EYS: variants seen among roughly 807,000 people sequenced by gnomAD.
EYS encodes EGF-like photoreceptor maintenance factor, also known as protein eyes shut homolog.
A neutral mutation model predicts 282.1 loss-of-function variants in EYS; 250 were observed. The ratio of observed to expected loss-of-function variants is 0.89; its 90% CI spans 0.80 to 0.98. The LOEUF is 0.98. EYS is among the 50% of genes least tolerant of loss of function. EYS has a pLI of 0.00. For missense variants in EYS, 4,016 were observed against 3,709.0 expected, an observed-to-expected ratio of 1.08 and a Z score of -2.15; for synonymous variants, 1,355 against 1,282.9, an observed-to-expected ratio of 1.06 and a Z score of -1.20.
intron 31 of EYS, among the ~76,000 whole-genome samples, chr6:64,229,630 A>G (rs1192033108): frequency 6.6e-6 from 1 of 152,160 alleles, no homozygotes; most frequent in Non-Finnish European, 1.5e-5. Flanking sequence ...GCCTTTTACT[A>G]TATTTGCTTG....
intron 14 of EYS, among the ~76,000 whole-genome samples, chr6:64,950,823 ATATATATAT>A (rs1562272747): frequency 1.7e-5 from 2 of 115,712 alleles, no homozygotes; most frequent in East Asian, 2.5e-4. Flanking sequence ...ATATATATAT[ATATATATAT>A]ATTGTTGAAT....
chr6:64,564,582 T>C (rs1051076344), intron 26 of EYS, among the ~76,000 whole-genome samples: 1 of 151,982 alleles, frequency 6.6e-6, no homozygotes, highest in Non-Finnish European at 1.5e-5. Context: ...TGCCCAGCCT[T>C]TTTTAAATCA....
intron 8 of EYS, among the ~76,000 whole-genome samples, chr6:65,375,893 G>A (rs1001737969): frequency 6.6e-6 from 1 of 151,990 alleles, no homozygotes; most frequent in Non-Finnish European, 1.5e-5. Flanking sequence ...AAGACCAAAG[G>A]TATGATTGAC....
At chr6:64,101,387 T>A (rs138579286) in intron 31 of EYS, among the ~76,000 whole-genome samples, 2 of 152,236 alleles carry the variant, frequency 1.3e-5, no homozygotes, top group East Asian at 3.9e-4. Flanking sequence ...CACAGACGAA[T>A]CAAAAAGCCT....
chr6:64,087,770 T>C (rs147281591), intron 31 of EYS, among the ~76,000 whole-genome samples: 2,365 of 152,218 alleles, frequency 0.016, 48 homozygotes, highest in Non-Finnish European at 0.019. Flanking sequence ...TTCACACTAT[T>C]GATAAGTCCA....
At chr6:64,669,818 A>G (rs1289443718) in intron 22 of EYS, among the ~76,000 whole-genome samples, 1 of 152,198 alleles carries the variant, frequency 6.6e-6, no homozygotes, top group African/African-American at 2.4e-5. Context: ...TTATACTGAC[A>G]TGGTCAAATT....
At chr6:64,356,824 C>CG (rs1771838918) in intron 29 of EYS, among the ~76,000 whole-genome samples, 1 of 151,542 alleles carries the variant, frequency 6.6e-6, no homozygotes, top group African/African-American at 2.4e-5. Context: ...ACATAATCTC[C>CG]TTTTTTTCTT....
intron 2 of EYS, among the ~76,000 whole-genome samples, chr6:65,520,557 G>A (rs1026584248): frequency 6.6e-6 from 1 of 151,600 alleles, no homozygotes; most frequent in African/African-American, 2.4e-5. Flanking sequence ...TTATTGCAGA[G>A]GTACAATTAT....
intron 35 of EYS, among the ~76,000 whole-genome samples, chr6:63,975,599 C>G (rs376050002): frequency 6.6e-6 from 1 of 151,910 alleles, no homozygotes; most frequent in Non-Finnish European, 1.5e-5. Flanking sequence ...TTATCACAAC[C>G]TTTTCTTGTT....
chr6:65,138,830 G>A (rs958035321), intron 12 of EYS, among the ~76,000 whole-genome samples: 1 of 152,020 alleles, frequency 6.6e-6, no homozygotes, highest in Non-Finnish European at 1.5e-5. Context: ...ACAAGCATAT[G>A]AAAAATATTC....
At chr6:65,119,434 C>T (rs1260107208) in intron 12 of EYS, among the ~76,000 whole-genome samples, 1 of 151,968 alleles carries the variant, frequency 6.6e-6, no homozygotes, top group Non-Finnish European at 1.5e-5. Context: ...CAGAAACCAA[C>T]AAAACCAATC....
chr6:64,567,728 TG>T (rs1765606036), intron 26 of EYS, among the ~76,000 whole-genome samples: 1 of 152,162 alleles, frequency 6.6e-6, no homozygotes, highest in Non-Finnish European at 1.5e-5. Context: ...TTATAACATA[TG>T]GTAAGAATTT....
At chr6:63,978,889 T>C (rs1766964487) in intron 35 of EYS, among the ~76,000 whole-genome samples, 1 of 151,742 alleles carries the variant, frequency 6.6e-6, no homozygotes, top group African/African-American at 2.4e-5. Flanking sequence ...AAAAAGTCTA[T>C]AAAATGAGAT....
At chr6:63,826,845 C>CAAAAAAAAAAAAAAAAAGAAAAAA (rs1771475400) in intron 36 of EYS, among the ~76,000 whole-genome samples, 9 of 76,754 alleles carry the variant, frequency 1.2e-4, no homozygotes, top group African/African-American at 1.5e-4. Context: ...AGTTAAAAAG[C>CAAAAAAAAAAAAAAAAAGAAAAAA]AAAAAAAAAA....
intron 8 of EYS, among the ~76,000 whole-genome samples, chr6:65,354,849 A>G (rs1380395921): frequency 6.6e-6 from 1 of 152,080 alleles, no homozygotes; most frequent in East Asian, 1.9e-4. Flanking sequence ...AAGAAAAAAA[A>G]GAAATAATTT....
chr6:63,888,755 G>A (rs189693723), intron 35 of EYS, among the ~76,000 whole-genome samples: 7 of 152,328 alleles, frequency 4.6e-5, no homozygotes, highest in Admixed American at 4.6e-4. Context: ...ACAACTTCGT[G>A]TAAGCAAGGG....
intron 10 of EYS, among the ~76,000 whole-genome samples, chr6:65,338,533 C>G (rs771068302): frequency 2.0e-5 from 3 of 151,086 alleles, no homozygotes; most frequent in Admixed American, 6.6e-5. Context: ...GCAACCCTAA[C>G]TCCTGTATTT....
At chr6:65,357,676 A>G (rs746864609) in intron 8 of EYS, among the ~76,000 whole-genome samples, 1 of 151,998 alleles carries the variant, frequency 6.6e-6, no homozygotes, top group Non-Finnish European at 1.5e-5. Flanking sequence ...TATTTATTAT[A>G]TAGACCAGGA....
chr6:64,992,927 C>A (rs1220743606), intron 14 of EYS, among the ~76,000 whole-genome samples: 1 of 151,528 alleles, frequency 6.6e-6, no homozygotes, highest in East Asian at 1.9e-4. Context: ...ACAACTGGGA[C>A]CTGACCACTG....
Sources: gnomAD v4.1 joint callset for allele counts (sites outside exome capture counted in the v4.1 genomes callset) on GRCh38, gnomAD v4.1.1 for gene constraint, MANE v1.5 for transcripts, NCBI Gene and HGNC (gene_info 2026-07-23, HGNC 2026-07-21) for gene names.